The following LCORL variants were observed in gnomAD, a reference collection of about 807,000 sequenced individuals.
LCORL encodes ligand dependent nuclear receptor corepressor like.
LCORL carries 41 observed loss-of-function variants against 141.8 expected under a neutral mutation model. The ratio of observed to expected loss-of-function variants is 0.29; its 90% CI spans 0.23 to 0.38. LCORL has a LOEUF of 0.38. Ranked by LOEUF, LCORL falls within the 10% of genes least tolerant of loss-of-function variation. The probability of loss-of-function intolerance (pLI) is 1.00; values close to 1 mark genes in which losing one functional copy is unlikely to be tolerated. For synonymous variants in LCORL, 618 were observed against 694.1 expected, an observed-to-expected ratio of 0.89 and a Z score of 1.72; for missense variants, 1,759 against 2,035.0, an observed-to-expected ratio of 0.86 and a Z score of 2.61.
chr4:17,879,666 G>T (rs1727312153), intron 6 of LCORL, among the ~76,000 whole-genome samples: 1 of 150,914 alleles, frequency 6.6e-6, no homozygotes, highest in African/African-American at 2.4e-5. Flanking sequence ...AGGGCAGGAA[G>T]AAATGGTTAA....
intron 1 of LCORL, among the ~76,000 whole-genome samples, chr4:17,988,186 G>A (rs769106889): frequency 7.2e-5 from 11 of 152,180 alleles, no homozygotes; most frequent in East Asian, 3.9e-4. Context: ...GCCTTCCGCC[G>A]TGATTGTGAG....
chr4:17,983,588 T>G (rs77744926), intron 1 of LCORL, among the ~76,000 whole-genome samples: 4,857 of 152,232 alleles, frequency 0.032, 106 homozygotes, highest in African/African-American at 0.059. Flanking sequence ...TGTATAGGAA[T>G]GAGGGTAATA....
chr4:17,909,332 G>A (rs759815965), exon 5 of LCORL: 2 of 1,597,740 alleles, frequency 1.3e-6, no homozygotes, highest in Admixed American at 1.7e-5. Flanking sequence ...TAGGATCACA[G>A]TTCTGAGGAA....
intron 4 of LCORL, among the ~76,000 whole-genome samples, chr4:17,930,791 G>A (rs554373412): frequency 2.0e-5 from 3 of 152,206 alleles, no homozygotes; most frequent in African/African-American, 4.8e-5. Flanking sequence ...ACTATTTCAC[G>A]GATACACACA....
At chr4:17,940,042 T>C (rs1296042535) in intron 4 of LCORL, among the ~76,000 whole-genome samples, 2 of 149,140 alleles carry the variant, frequency 1.3e-5, no homozygotes, top group African/African-American at 4.9e-5. Context: ...TATGCATATA[T>C]ATACACACTA....
At chr4:17,842,469 G>C (rs1316089307) in exon 8 of LCORL, 2 of 1,001,630 alleles carry the variant, frequency 2.0e-6, no homozygotes, top group Non-Finnish European at 3.1e-6. Context: ...GCGAATGAGA[G>C]AGAATATATA....
At position 18,010,398 on chromosome 4, in the gene LCORL, C is replaced by CTGTGTG. The variant is rs746629992; in HGVS notation, c.154+11194_154+11199dup. Among the ~76,000 whole-genome samples the CTGTGTG allele has an allele frequency of 3.0e-3, 445 of 150,194 alleles. 2 individuals are homozygous for CTGTGTG. Among genetic ancestry groups the CTGTGTG allele is most frequent in the African/African-American group, 9.6e-3 (393 of 40,986 alleles). On this transcript the variant is annotated intron_variant, in intron 1 of 7. Transcript: ENST00000635767. ...GGTACATATATATATGTGTGTGTGT[C>CTGTGTG]TGTGTGTGTGTGTGTATATATATAT...
At chr4:17,990,411 C>T (rs1308527554) in intron 1 of LCORL, among the ~76,000 whole-genome samples, 3 of 149,774 alleles carry the variant, frequency 2.0e-5, no homozygotes, top group African/African-American at 7.4e-5. Context: ...AAACTCTCTG[C>T]TTTAAAAGGG....
chr4:17,994,482 T>G (rs1553884369), intron 1 of LCORL, among the ~76,000 whole-genome samples: 2 of 152,214 alleles, frequency 1.3e-5, no homozygotes, highest in Non-Finnish European at 2.9e-5. Flanking sequence ...TACTCATTCT[T>G]AAAAATTGTA....
rs139441652 is a variant in LCORL, at chr4:17,921,954, C to G, written c.431-12609G>C. Among the ~76,000 whole-genome samples, 370 of 151,874 alleles carry G rather than the reference C, an allele frequency of 2.4e-3. 1 individual carries two copies. The highest frequency in any genetic ancestry group is 8.0e-3 in the African/African-American group (331 of 41,376). ...GTTCTTCAGCTTTTGGACTCTTGGA[C>G]CTACACCAGTGGTTTGACAGGGGCT... On this transcript the variant is annotated intron_variant, in intron 4 of 7. Transcript: ENST00000635767.
chr4:17,905,118 A>G (rs1731412450), intron 5 of LCORL, among the ~76,000 whole-genome samples: 1 of 152,076 alleles, frequency 6.6e-6, no homozygotes, highest in South Asian at 2.1e-4. Flanking sequence ...CTTTTTTAAA[A>G]CTAGATTTTC....
chr4:17,926,346 A>G (rs1316157357), intron 4 of LCORL, among the ~76,000 whole-genome samples: 2 of 152,232 alleles, frequency 1.3e-5, no homozygotes, highest in South Asian at 4.1e-4. Context: ...CAGCTCGGCT[A>G]CGATAAAAGC....
At chr4:17,877,670 G>A in exon 7 of LCORL, 1 of 1,228,594 alleles carries the variant, frequency 8.1e-7, no homozygotes, top group Non-Finnish European at 1.0e-6. Flanking sequence ...ATAATGGTGG[G>A]GGTGAGGGAC....
At chr4:18,010,977 G>A (rs1021513230) in intron 1 of LCORL, among the ~76,000 whole-genome samples, 4 of 151,986 alleles carry the variant, frequency 2.6e-5, no homozygotes, top group Non-Finnish European at 4.4e-5. Context: ...TGAATTATCC[G>A]ATTGGTGATT....
At chr4:17,959,256 T>A (rs1315393318) in intron 4 of LCORL, among the ~76,000 whole-genome samples, 2 of 152,028 alleles carry the variant, frequency 1.3e-5, no homozygotes, top group Non-Finnish European at 2.9e-5. Context: ...CTAGTCTGCT[T>A]AATTCAAATA....
At chr4:18,003,317 G>A (rs1722271680) in intron 1 of LCORL, among the ~76,000 whole-genome samples, 1 of 152,170 alleles carries the variant, frequency 6.6e-6, no homozygotes, top group Non-Finnish European at 1.5e-5. Context: ...TTCAACTGGA[G>A]TGAAAATAAA....
chr4:17,911,888 C>T (rs1732609272), intron 4 of LCORL: 2 of 485,016 alleles, frequency 4.1e-6, no homozygotes, highest in South Asian at 1.7e-5. Flanking sequence ...GGGGGTCTGG[C>T]AGGAAAGGGA....
chr4:17,964,751 G>T (rs771454681), intron 2 of LCORL, among the ~76,000 whole-genome samples: 4 of 152,038 alleles, frequency 2.6e-5, no homozygotes, highest in Non-Finnish European at 5.9e-5. Flanking sequence ...AGCTGAACCA[G>T]ATCACCCATA....
intron 4 of LCORL, among the ~76,000 whole-genome samples, chr4:17,948,736 T>C (rs556568494): frequency 6.6e-5 from 10 of 151,300 alleles, no homozygotes; most frequent in East Asian, 1.9e-4. Context: ...AATAAGAAAA[T>C]CTACCTTACC....
Sources: allele counts gnomAD v4.1 joint callset (sites outside exome capture counted in the v4.1 genomes callset), GRCh38; gene constraint gnomAD v4.1.1; transcripts MANE v1.5; gene names NCBI Gene and HGNC (gene_info 2026-07-23, HGNC 2026-07-21).